Variants in IGF2BP3 observed in about 807,000 individuals in gnomAD.
IGF2BP3 encodes insulin-like growth factor 2 mRNA-binding protein 3.
Under a neutral mutation model 73.8 loss-of-function variants are expected in IGF2BP3, and 9 were observed. The observed-to-expected ratio is 0.12, with a 90% CI of 0.07 to 0.21. The LOEUF (loss-of-function observed/expected upper bound fraction) is 0.21, where lower values mean the gene tolerates loss of function less well. Among genes scored for constraint, IGF2BP3 ranks in the 10% least tolerant of loss-of-function variants. The pLI, the probability that IGF2BP3 is intolerant of heterozygous loss-of-function variation, is 1.00. For synonymous variants in IGF2BP3, 258 were observed against 256.7 expected (o/e 1.01, Z -0.05); for missense variants, 542 against 714.0 (o/e 0.76, Z 2.75).
intron 3 of IGF2BP3, among the ~76,000 whole-genome samples, chr7:23,385,065 T>C (rs1786039363): frequency 6.6e-6 from 1 of 152,192 alleles, no homozygotes; most frequent in South Asian, 2.1e-4. Context: ...AAATTAAATT[T>C]TGGCAGTAAC....
chr7:23,448,555 A>C (rs12539834), intron 2 of IGF2BP3, among the ~76,000 whole-genome samples: 5,522 of 152,096 alleles, frequency 0.036, 140 homozygotes, highest in Non-Finnish European at 0.056. Context: ...GGCATGCACC[A>C]TCACACTCAG....
chr7:23,382,894 C>CAAAAA (rs57466793), intron 3 of IGF2BP3, among the ~76,000 whole-genome samples: 1,845 of 48,988 alleles, frequency 0.038, 93 homozygotes, highest in East Asian at 0.098. Flanking sequence ...CTAGCTCTAC[C>CAAAAA]AAAAAAAAAA....
chr7:23,403,955 T>A (rs1786747466), intron 3 of IGF2BP3, among the ~76,000 whole-genome samples: 1 of 151,224 alleles, frequency 6.6e-6, no homozygotes, highest in Admixed American at 6.6e-5. Context: ...AGACCCTGTT[T>A]GTAAAACAAA....
At chr7:23,462,507 G>A (rs184066750) in intron 2 of IGF2BP3, among the ~76,000 whole-genome samples, 3,008 of 152,080 alleles carry the variant, frequency 0.02, 34 homozygotes, top group African/African-American at 0.024. Flanking sequence ...GACTAAAGGC[G>A]ACCGCCACCA....
intron 5 of IGF2BP3, among the ~76,000 whole-genome samples, chr7:23,355,659 G>A (rs1420813056): frequency 6.6e-6 from 1 of 152,154 alleles, no homozygotes; most frequent in Non-Finnish European, 1.5e-5. Context: ...GGGGCCAGGT[G>A]CAGTGGCTCA....
intron 10 of IGF2BP3, among the ~76,000 whole-genome samples, chr7:23,337,556 T>C (rs1784604922): frequency 6.6e-6 from 1 of 152,236 alleles, no homozygotes; most frequent in Non-Finnish European, 1.5e-5. Flanking sequence ...GGCACATTGC[T>C]GCCCTCACAC....
At chr7:23,321,052 T>G (rs1010060955) in intron 10 of IGF2BP3, among the ~76,000 whole-genome samples, 3 of 152,008 alleles carry the variant, frequency 2.0e-5, no homozygotes, top group African/African-American at 7.3e-5. Context: ...AGAAGATATT[T>G]TGTCGGGAGG....
intron 3 of IGF2BP3, among the ~76,000 whole-genome samples, chr7:23,407,789 A>G (rs1463026512): frequency 6.6e-6 from 1 of 152,096 alleles, no homozygotes; most frequent in Non-Finnish European, 1.5e-5. Context: ...GGCAATACAA[A>G]AAACATCAAA....
At chr7:23,368,330 AG>A (rs1186293430) in intron 3 of IGF2BP3, among the ~76,000 whole-genome samples, 4 of 107,456 alleles carry the variant, frequency 3.7e-5, no homozygotes, top group Non-Finnish European at 6.0e-5. Flanking sequence ...GAGAAAGAAA[AG>A]AAAGAAAGAA....
At chr7:23,320,015 A>C (rs1583877758) in intron 10 of IGF2BP3, among the ~76,000 whole-genome samples, 1 of 149,910 alleles carries the variant, frequency 6.7e-6, no homozygotes, top group Non-Finnish European at 1.5e-5. Flanking sequence ...GATTCAAGCT[A>C]CTCTCCTGCC....
rs568033960 is a variant in IGF2BP3, at chr7:23,361,678, G to A, written c.337+12C>T. 16 of 1,613,846 alleles carry A rather than the reference G, an allele frequency of 9.9e-6. 1 individual carries two copies. The South Asian group carries it at 1.8e-4, about 18-fold the overall frequency. ...CTTTTACAAATTTGAAAGCAATTCA[G>A]AAGACATGTACCTTGCTCACAGCTC... is the stretch of plus-strand genomic sequence containing the variant. On this transcript the variant is annotated intron_variant, in intron 4 of 14. Coordinates refer to ENST00000258729, the MANE Select transcript of IGF2BP3 (RefSeq NM_006547.3).
intron 2 of IGF2BP3, among the ~76,000 whole-genome samples, chr7:23,459,739 G>C (rs972470395): frequency 6.6e-6 from 1 of 152,098 alleles, no homozygotes; most frequent in African/African-American, 2.4e-5. Flanking sequence ...GCTGAGGCAG[G>C]AGAATCACTT....
intron 3 of IGF2BP3, among the ~76,000 whole-genome samples, chr7:23,408,562 A>G (rs1240387100): frequency 1.3e-5 from 2 of 152,252 alleles, no homozygotes; most frequent in Non-Finnish European, 2.9e-5. Context: ...TAGAAATGTA[A>G]AACAGTACAG....
intron 3 of IGF2BP3, among the ~76,000 whole-genome samples, chr7:23,410,625 T>C (rs543473283): frequency 1.6e-3 from 238 of 152,288 alleles, no homozygotes; most frequent in African/African-American, 5.3e-3. Flanking sequence ...CATGAAGAAC[T>C]CTATGTCTAC....
chr7:23,366,050 A>C (rs545744781), intron 3 of IGF2BP3: 2 of 152,304 alleles, frequency 1.3e-5, no homozygotes, highest in African/African-American at 4.8e-5. Flanking sequence ...TAAAATTTTC[A>C]CTGCATATAT....
intron 10 of IGF2BP3, among the ~76,000 whole-genome samples, chr7:23,320,109 A>G (rs1583877944): frequency 6.7e-6 from 1 of 148,474 alleles, no homozygotes; most frequent in African/African-American, 2.5e-5. Flanking sequence ...ATAGGGTTTC[A>G]CCATGTTGGC....
chr7:23,418,296 T>A (rs1787249219), intron 3 of IGF2BP3, among the ~76,000 whole-genome samples: 1 of 152,218 alleles, frequency 6.6e-6, no homozygotes, highest in Non-Finnish European at 1.5e-5. Flanking sequence ...TGGAAACTGC[T>A]GACACAGGCT....
chr7:23,429,159 G>C (rs915887909), intron 2 of IGF2BP3, among the ~76,000 whole-genome samples: 1 of 152,244 alleles, frequency 6.6e-6, no homozygotes, highest in East Asian at 1.9e-4. Flanking sequence ...GCCAGAGCTA[G>C]AAAATACACT....
intron 12 of IGF2BP3, among the ~76,000 whole-genome samples, chr7:23,315,430 T>A (rs943054812): frequency 6.6e-6 from 1 of 151,922 alleles, no homozygotes; most frequent in Non-Finnish European, 1.5e-5. Context: ...ATATTTAGAG[T>A]CAATACATCC....
Sources: allele counts gnomAD v4.1 joint callset (sites outside exome capture counted in the v4.1 genomes callset), GRCh38; gene constraint gnomAD v4.1.1; transcripts MANE v1.5; gene names NCBI Gene and HGNC (gene_info 2026-07-23, HGNC 2026-07-21).